Variants in DSE observed in about 807,000 individuals in gnomAD.
DSE encodes the protein dermatan-sulfate epimerase.
Under a neutral mutation model 84.4 loss-of-function variants are expected in DSE, and 36 were observed. The observed-to-expected ratio is 0.43, with a 90% CI of 0.33 to 0.56. DSE has a LOEUF of 0.56. Among genes scored for constraint, DSE ranks in the 20% least tolerant of loss-of-function variants. DSE has a pLI of 0.06. For missense variants in DSE, 862 were observed against 1,169.6 expected, an observed-to-expected ratio of 0.74 and a Z score of 3.84; for synonymous variants, 410 against 430.1, an observed-to-expected ratio of 0.95 and a Z score of 0.58.
At chr6:116,281,673 G>C (rs1773548377) in intron 2 of DSE, among the ~76,000 whole-genome samples, 1 of 152,222 alleles carries the variant, frequency 6.6e-6, no homozygotes, top group Non-Finnish European at 1.5e-5. Context: ...CATGATCATG[G>C]TTTCGTTTCC....
intron 2 of DSE, among the ~76,000 whole-genome samples, chr6:116,322,525 C>T (rs1776389290): frequency 6.6e-6 from 1 of 151,972 alleles, no homozygotes; most frequent in South Asian, 2.1e-4. Flanking sequence ...TTTCCTTCCC[C>T]ACCATCCCCA....
intron 2 of DSE, chr6:116,279,600 A>T: frequency 2.5e-6 from 4 of 1,601,922 alleles, no homozygotes; most frequent in Non-Finnish European, 2.5e-6. Context: ...GAGTACCGCC[A>T]CGGCCCGCGG....
chr6:116,308,616 GC>G (rs1363070987), intron 2 of DSE, among the ~76,000 whole-genome samples: 5 of 152,082 alleles, frequency 3.3e-5, no homozygotes, highest in Non-Finnish European at 7.4e-5. Flanking sequence ...AAACTCTTGA[GC>G]CTCAAGTATA....
intron 2 of DSE, among the ~76,000 whole-genome samples, chr6:116,343,449 C>T (rs1240091942): frequency 6.6e-6 from 1 of 152,170 alleles, no homozygotes; most frequent in African/African-American, 2.4e-5. Flanking sequence ...GACAAAGCTT[C>T]CAGAGGAAGC....
In DSE at chr6:116,441,056, T is replaced by A. The variant is rs1784408081; in HGVS notation, c.*3711T>A. The A allele has an allele frequency of 2.0e-5, 3 of 152,236 alleles. No homozygotes were observed. The highest frequency in any genetic ancestry group is 7.2e-5 in the African/African-American group (3 of 41,458). 9.4% of individuals were successfully genotyped at this position (152,236 alleles called of 1,614,324 possible). On this transcript the variant is annotated 3_prime_UTR_variant, in exon 6 of 6. Transcript: ENST00000644252. The stretch of plus-strand genomic sequence containing the variant: ...TTTACTGGCAAAATGACGTATTTTT[T>A]TTTCAGCAATGTTTCAGCTAGATAT...
chr6:116,373,574 A>C (rs1562263147), intron 1 of DSE, among the ~76,000 whole-genome samples: 1 of 152,202 alleles, frequency 6.6e-6, no homozygotes, highest in African/African-American at 2.4e-5. Flanking sequence ...CATCTGCTTT[A>C]GTATTTACGA....
At chr6:116,369,909 C>T, upstream of DSE, 1 of 1,289,310 alleles carries the variant, frequency 7.8e-7, no homozygotes, top group South Asian at 1.2e-5. Context: ...AGTAAAATAT[C>T]TCTCATTCTA....
chr6:116,439,606 C>T lies in DSE; in HGVS notation c.*2261C>T, dbSNP rs182192068. The T allele has an allele frequency of 6.6e-6, 1 of 151,666 alleles. No individual in the cohort carries two copies. The highest frequency in any genetic ancestry group is 6.6e-5 in the Admixed American group (1 of 15,244). The allele number at this position is 151,666 out of a possible 1,614,324, so 9.4% of individuals were successfully genotyped here. On this transcript the variant is annotated 3_prime_UTR_variant, in exon 6 of 6. Coordinates refer to ENST00000644252, the MANE Select transcript of DSE (RefSeq NM_013352.4). ...TGCATATTTGAGTAAAACTAGGGAACTTTTTGTAACTTGAAAACAAAGCAA... is the reference window on the plus strand; with the variant it reads ...TGCATATTTGAGTAAAACTAGGGAATTTTTTGTAACTTGAAAACAAAGCAA...
At chr6:116,284,628 C>T (rs1773758107) in intron 2 of DSE, among the ~76,000 whole-genome samples, 1 of 151,610 alleles carries the variant, frequency 6.6e-6, no homozygotes, top group Non-Finnish European at 1.5e-5. Flanking sequence ...GTCATTTACA[C>T]ATTAGGTATA....
rs1462417388 is a variant in DSE at position 116,441,910 on chromosome 6, C to T, written c.*4565C>T. 1 of 152,094 alleles carries T rather than the reference C, an allele frequency of 6.6e-6. No homozygotes were observed. The highest frequency in any genetic ancestry group is 2.4e-5 in the African/African-American group (1 of 41,392). 9.4% of individuals were successfully genotyped at this position (152,094 alleles called of 1,614,324 possible). On this transcript the variant is annotated 3_prime_UTR_variant, in exon 6 of 6. Coordinates refer to ENST00000644252, the MANE Select transcript of DSE (RefSeq NM_013352.4). ...AGAGAATAGGAATAATAAAAGCTGGCCCTTGTATAGTTTATGTTCTAGTGG... is the reference window on the plus strand; with the variant it reads ...AGAGAATAGGAATAATAAAAGCTGGTCCTTGTATAGTTTATGTTCTAGTGG...
chr6:116,301,136 T>C (rs1392228074), intron 2 of DSE, among the ~76,000 whole-genome samples: 2 of 147,720 alleles, frequency 1.4e-5, no homozygotes, highest in Non-Finnish European at 3.0e-5. Context: ...GATTTTAGAG[T>C]GGTTATATGG....
At chr6:116,419,731 T>C (rs1427932074) in intron 2 of DSE, among the ~76,000 whole-genome samples, 2 of 152,260 alleles carry the variant, frequency 1.3e-5, no homozygotes, top group East Asian at 3.8e-4. Context: ...GTAAAGCTTG[T>C]TTCATTTTAA....
intron 2 of DSE, among the ~76,000 whole-genome samples, chr6:116,409,818 G>A (rs994893117): frequency 2.6e-5 from 4 of 152,200 alleles, no homozygotes; most frequent in Non-Finnish European, 5.9e-5. Context: ...TGTCAGGGAA[G>A]GCTTTCCTGC....
intron 1 of DSE, among the ~76,000 whole-genome samples, chr6:116,378,312 A>G (rs1476026965): frequency 2.0e-5 from 3 of 152,150 alleles, no homozygotes; most frequent in Non-Finnish European, 4.4e-5. Flanking sequence ...GGGATGTTAA[A>G]TTTATCTTCT....
chr6:116,320,539 G>C (rs1776242209), intron 2 of DSE, among the ~76,000 whole-genome samples: 1 of 152,010 alleles, frequency 6.6e-6, no homozygotes, highest in Admixed American at 6.6e-5. Flanking sequence ...GGAAGGAGGT[G>C]TATTAGTTTG....
intron 2 of DSE, among the ~76,000 whole-genome samples, chr6:116,308,370 G>T (rs1429013253): frequency 6.6e-6 from 1 of 152,120 alleles, no homozygotes; most frequent in African/African-American, 2.4e-5. Flanking sequence ...AGGTAACATA[G>T]AACTTGATGT....
chr6:116,338,219 C>CTTTTTT (rs893312210), intron 2 of DSE, among the ~76,000 whole-genome samples: 182 of 91,176 alleles, frequency 2.0e-3, no homozygotes, highest in African/African-American at 4.6e-3. Context: ...TTTCTTCTTT[C>CTTTTTT]TTTTTTTTTT....
Position 116,444,546 on chromosome 6 carries a change from T to C in DSE, c.*7201T>C, listed in dbSNP as rs1784522692. ...CAGAAGACCTTAACATTGAGCTTGC[T>C]GCAGACTGAATGTTTGCCTCCTCTC... On this transcript the variant is annotated 3_prime_UTR_variant, in exon 6 of 6. Transcript: ENST00000644252. 1 of 152,248 alleles carries C rather than the reference T, an allele frequency of 6.6e-6. No homozygotes were observed. Among genetic ancestry groups the C allele is most frequent in the Non-Finnish European group, 1.5e-5 (1 of 68,036 alleles). 9.4% of individuals were successfully genotyped at this position (152,248 alleles called of 1,614,324 possible).
chr6:116,268,278 C>T (rs1772723118), intron 2 of DSE, among the ~76,000 whole-genome samples: 1 of 152,148 alleles, frequency 6.6e-6, no homozygotes, highest in Non-Finnish European at 1.5e-5. Context: ...CATTGTGTTC[C>T]TATTGCTTAT....
Sources: allele counts gnomAD v4.1 joint callset (sites outside exome capture counted in the v4.1 genomes callset), GRCh38; gene constraint gnomAD v4.1.1; transcripts MANE v1.5; gene names NCBI Gene and HGNC (gene_info 2026-07-23, HGNC 2026-07-21).